Variants in BICRAL observed in about 807,000 individuals in gnomAD.
BICRAL encodes the protein BRD4-interacting chromatin-remodeling complex-associated protein-like.
A neutral mutation model predicts 91.8 loss-of-function variants in BICRAL; 8 were observed. The ratio of observed to expected loss-of-function variants is 0.09; its 90% CI spans 0.05 to 0.16. The LOEUF (loss-of-function observed/expected upper bound fraction) is 0.16. BICRAL is among the 10% of genes least tolerant of loss of function. BICRAL has a pLI of 1.00. For missense variants in BICRAL, 1,038 were observed against 1,310.9 expected, an observed-to-expected ratio of 0.79 and a Z score of 3.21; for synonymous variants, 445 against 491.1, an observed-to-expected ratio of 0.91 and a Z score of 1.24.
intron 5 of BICRAL, among the ~76,000 whole-genome samples, chr6:42,827,961 G>A (rs1264095684): frequency 2.0e-5 from 3 of 152,140 alleles, no homozygotes; most frequent in African/African-American, 4.8e-5. Flanking sequence ...TCCTCAGTAT[G>A]TTCGCATTAT....
chr6:42,748,924 T>C (rs1762333160), intron 1 of BICRAL, among the ~76,000 whole-genome samples: 1 of 152,094 alleles, frequency 6.6e-6, no homozygotes, highest in African/African-American at 2.4e-5. Context: ...TTGTCAGAGG[T>C]AAGTGCCTGT....
chr6:42,769,154 G>A (rs1412968248), intron 1 of BICRAL, among the ~76,000 whole-genome samples: 1 of 152,224 alleles, frequency 6.6e-6, no homozygotes, highest in Non-Finnish European at 1.5e-5. Flanking sequence ...GGTCTCTCAT[G>A]AGTTTATAGT....
At chr6:42,793,047 C>T (rs939304816) in intron 1 of BICRAL, among the ~76,000 whole-genome samples, 14 of 146,480 alleles carry the variant, frequency 9.6e-5, no homozygotes, top group African/African-American at 2.0e-4. Flanking sequence ...CTCCACCTCC[C>T]GGGTTTAAGT....
At chr6:42,781,171 T>A (rs528086378), upstream of BICRAL, among the ~76,000 whole-genome samples, 1 of 152,232 alleles carries the variant, frequency 6.6e-6, no homozygotes, top group Admixed American at 6.5e-5. Flanking sequence ...AGCTCTCTTT[T>A]AAGAATGAGG....
chr6:42,789,519 G>A (rs1238720769), intron 1 of BICRAL, among the ~76,000 whole-genome samples: 1 of 151,770 alleles, frequency 6.6e-6, no homozygotes, highest in African/African-American at 2.4e-5. Flanking sequence ...GCACACACCT[G>A]TAATCCCAGC....
At chr6:42,746,561 G>A (rs1370114621), upstream of BICRAL, among the ~76,000 whole-genome samples, 1 of 152,076 alleles carries the variant, frequency 6.6e-6, no homozygotes, top group Admixed American at 6.6e-5. Context: ...GATGGAGCGG[G>A]GGGGAATATT....
chr6:42,843,135 G>A (rs942776517), intron 6 of BICRAL, among the ~76,000 whole-genome samples: 1 of 151,742 alleles, frequency 6.6e-6, no homozygotes, highest in East Asian at 1.9e-4. Context: ...GATTACAGAC[G>A]TGAGCCACTG....
At chr6:42,795,853 G>A (rs1449096356) in intron 1 of BICRAL, among the ~76,000 whole-genome samples, 1 of 152,116 alleles carries the variant, frequency 6.6e-6, no homozygotes, top group Non-Finnish European at 1.5e-5. Flanking sequence ...GCACTGCAGT[G>A]ATATTTCATC....
intron 1 of BICRAL, among the ~76,000 whole-genome samples, chr6:42,801,281 A>G (rs1763564992): frequency 6.6e-6 from 1 of 151,622 alleles, no homozygotes; most frequent in African/African-American, 2.4e-5. Flanking sequence ...AGCGAGAGAG[A>G]GAAATCTACA....
intron 1 of BICRAL, among the ~76,000 whole-genome samples, chr6:42,783,252 G>C (rs1465065013): frequency 6.6e-6 from 1 of 151,876 alleles, no homozygotes; most frequent in East Asian, 1.9e-4. Flanking sequence ...GCGTCCGGCC[G>C]AGCCCCCAGC....
chr6:42,790,283 C>T (rs897146262), intron 1 of BICRAL, among the ~76,000 whole-genome samples: 8 of 151,684 alleles, frequency 5.3e-5, no homozygotes, highest in Non-Finnish European at 1.0e-4. Context: ...CTCAGCCTCC[C>T]AAGTAGCTGG....
rs373499042 is a variant in BICRAL, at chr6:42,865,248, C to A, written c.3042C>A (p.Ile1014=). 7.4e-6 allele frequency: 12 copies of A among 1,614,104 alleles called. No homozygotes were observed. In the East Asian group the frequency reaches 2.7e-4, roughly 36 times the overall value. ...GCTTGGAAACCACATTTAAGAACAT[C>A]TTGGAACTCAAAAAGGCGGGACGGC... ...TKSLETTFKN[I]LELKKAGRQP... is the part of the protein sequence containing the mutation. The change falls in exon 13 of 13, where the codon ATC becomes ATA. Residue 1014 remains isoleucine (I), a synonymous_variant. Coordinates refer to ENST00000314073, the MANE Select transcript of BICRAL (RefSeq NM_001393499.1).
At chr6:42,807,610 C>T (rs1219064483) in intron 1 of BICRAL, among the ~76,000 whole-genome samples, 1 of 151,500 alleles carries the variant, frequency 6.6e-6, no homozygotes, top group Non-Finnish European at 1.5e-5. Flanking sequence ...GTGATTGAGA[C>T]CATCCTGGCC....
Position 42,867,502 on chromosome 6 carries a change from A to G in BICRAL, c.*2056A>G, listed in dbSNP as rs1378757514. 1 of 152,528 alleles carries G rather than the reference A, an allele frequency of 6.6e-6. No individual in the cohort carries two copies. The allele number at this position is 152,528 out of a possible 1,614,324, so 9.4% of individuals were successfully genotyped here. A position where few individuals can be genotyped will look rare whatever the true frequency, so the allele number is the denominator to read the frequency against. ...ACCCTGCCCTAAACTCCATGATTTC[A>G]TAGGCTTTTCTTCCCTTGGGGCTCA... On this transcript the variant is annotated 3_prime_UTR_variant, in exon 13 of 13. Coordinates refer to ENST00000314073, the MANE Select transcript of BICRAL (RefSeq NM_001393499.1).
chr6:42,813,287 A>G (rs193202996), intron 2 of BICRAL, among the ~76,000 whole-genome samples: 25 of 152,322 alleles, frequency 1.6e-4, no homozygotes, highest in African/African-American at 6.0e-4. Flanking sequence ...AAGGCTTTTC[A>G]TAATCAGATT....
At chr6:42,864,238 G>T (rs868295151) in intron 12 of BICRAL, among the ~76,000 whole-genome samples, 1 of 152,044 alleles carries the variant, frequency 6.6e-6, no homozygotes, top group Non-Finnish European at 1.5e-5. Flanking sequence ...TACTCGAGAG[G>T]CTGAGGCAGG....
intron 6 of BICRAL, among the ~76,000 whole-genome samples, chr6:42,839,608 G>A (rs1764729909): frequency 6.6e-6 from 1 of 151,940 alleles, no homozygotes; most frequent in South Asian, 2.1e-4. Context: ...CCCCTGCCTG[G>A]TATGATTTTG....
At position 42,866,543 on chromosome 6, in the gene BICRAL, G is replaced by A. The variant is rs1025005860; in HGVS notation, c.*1097G>A. 16 of 205,320 alleles carry A rather than the reference G, an allele frequency of 7.8e-5. No individual in the cohort carries two copies. The South Asian group carries it at 1.0e-3, about 13-fold the overall frequency. 12.7% of individuals were successfully genotyped at this position (205,320 alleles called of 1,614,324 possible). The stretch of plus-strand genomic sequence containing the variant: ...CAGTTTAAACTTTAAGGAGACTCTG[G>A]CCTTGTTTATGCTTCTTGTCTGAGA... On this transcript the variant is annotated 3_prime_UTR_variant, in exon 13 of 13. Transcript: ENST00000314073.
At chr6:42,823,521 C>T (rs180729873) in intron 5 of BICRAL, among the ~76,000 whole-genome samples, 5 of 152,284 alleles carry the variant, frequency 3.3e-5, no homozygotes, top group Admixed American at 6.5e-5. Flanking sequence ...GGTACAGTAG[C>T]TCACACCTGT....
Sources: allele counts gnomAD v4.1 joint callset (sites outside exome capture counted in the v4.1 genomes callset), GRCh38; gene constraint gnomAD v4.1.1; transcripts MANE v1.5; gene names NCBI Gene and HGNC (gene_info 2026-07-23, HGNC 2026-07-21).